Variants in GSK3A observed in about 807,000 individuals in gnomAD.
The protein encoded by GSK3A is glycogen synthase kinase 3 alpha.
Under a neutral mutation model 56.6 loss-of-function variants are expected in GSK3A, and 14 were observed. The observed-to-expected ratio is 0.25, with a 90% CI of 0.16 to 0.39. The LOEUF (loss-of-function observed/expected upper bound fraction) is 0.39, where lower values mean the gene tolerates loss of function less well. Among genes scored for constraint, GSK3A ranks in the 10% least tolerant of loss-of-function variants. The pLI is 1.00. For missense variants in GSK3A, 450 were observed against 656.0 expected (o/e 0.69, Z 3.43); for synonymous variants, 301 against 285.0 (o/e 1.06, Z -0.56).
In GSK3A at chr19:42,230,762, A is replaced by G; in HGVS notation, c.*32T>C. 1 of 1,508,288 alleles carries G rather than the reference A, an allele frequency of 6.6e-7. No homozygotes were observed. The allele number at this position is 1,508,288 out of a possible 1,614,324, so 93.4% of individuals were successfully genotyped here. A position where few individuals can be genotyped will look rare whatever the true frequency, so the allele number is the denominator to read the frequency against. The stretch of plus-strand genomic sequence containing the variant: ...CTTCCCAGCCCCTCTTGGGGCTCCC[A>G]GATGGAAGTGGAAGGGTGCTTGGTG... On this transcript the variant is annotated 3_prime_UTR_variant, in exon 11 of 11. Coordinates refer to ENST00000222330, the MANE Select transcript of GSK3A (RefSeq NM_019884.3).
At chr19:42,230,973 T>A in intron 10 of GSK3A, 106 bp from the exon 11 acceptor site, 5 of 777,266 alleles carry the variant, frequency 6.4e-6, no homozygotes, top group Non-Finnish European at 1.1e-5. Context: ...CATTAAAAGT[T>A]ACAAGCTGTT....
chr19:42,233,081 A>T, intron 8 of GSK3A, 29 bp downstream of exon 8: 1 of 1,426,292 alleles, frequency 7.0e-7, no homozygotes, highest in East Asian at 2.3e-5. Flanking sequence ...TCTCAGCCAT[A>T]CTGCCCTGAG....
In GSK3A at chr19:42,234,429, A is replaced by G. The variant is rs767113418; in HGVS notation, c.828T>C (p.Asn276=). The G allele has an allele frequency of 2.5e-6, 4 of 1,614,204 alleles. No homozygotes were observed. In the Admixed American group the frequency reaches 5.0e-5, roughly 20 times the overall value. Residue 276 remains asparagine (N), a synonymous_variant, in exon 6 of 11, where the codon AAT becomes AAC. Coordinates refer to ENST00000222330, the MANE Select transcript of GSK3A (RefSeq NM_019884.3). The surrounding 1 kb of genome is among the most constrained non-coding windows in gnomAD (Gnocchi z 5.7). ...SAKQLVRGEP[N]VSYICSRYYR... ...AGTAGCGAGAACAGATGTAGGAGAC[A>G]TTGGGCTCCCCTCGGACCAACTGCT... is the stretch of plus-strand genomic sequence containing the variant.
Position 42,234,229 on chromosome 19 carries a change from T to C in GSK3A, c.904+124A>G. 1 of 737,776 alleles carries C rather than the reference T, an allele frequency of 1.4e-6. No individual in the cohort carries two copies. The highest frequency in any genetic ancestry group is 2.4e-6 in the Non-Finnish European group (1 of 415,064). The allele number at this position is 737,776 out of a possible 1,614,324, so 45.7% of individuals were successfully genotyped here. On this transcript the variant is annotated intron_variant, in intron 6 of 10. Coordinates refer to ENST00000222330, the MANE Select transcript of GSK3A (RefSeq NM_019884.3). The surrounding 1 kb of genome is among the most constrained non-coding windows in gnomAD (Gnocchi z 5.7). ...CATTCAACAGCATCAGCCTCCTAAG[T>C]TTGTGAGGACTGGATACAAGAACAG...
chr19:42,242,397 C>T lies in GSK3A; in HGVS notation c.69G>A (p.Ala23=). The T allele has an allele frequency of 1.4e-6, 2 of 1,386,354 alleles. No individual in the cohort carries two copies. Among genetic ancestry groups the T allele is most frequent in the South Asian group, 1.5e-5 (1 of 65,034 alleles). The allele number at this position is 1,386,354 out of a possible 1,614,324, so 85.9% of individuals were successfully genotyped here. A position where few individuals can be genotyped will look rare whatever the true frequency, so the allele number is the denominator to read the frequency against. ...GSGRARTSSF[A]EPGGGGGGGG... ...CTCCTCCGCCTCCGCCGCCGGGCTC[C>T]GCGAACGAGCTAGTCCGCGCCCTGC... Residue 23 remains alanine, a synonymous_variant, in exon 1 of 11, where the codon GCG becomes GCA. Coordinates refer to ENST00000222330, the MANE Select transcript of GSK3A (RefSeq NM_019884.3).
In GSK3A at chr19:42,236,873, G is replaced by A. The variant is rs2036260693; in HGVS notation, c.540C>T (p.Tyr180=). The A allele has an allele frequency of 5.0e-6, 8 of 1,611,942 alleles. No homozygotes were observed. The highest frequency in any genetic ancestry group is 6.8e-6 in the Non-Finnish European group (8 of 1,178,010). The change falls in exon 3 of 11, where the codon TAC becomes TAT. Residue 180 remains tyrosine, a synonymous_variant. Coordinates refer to ENST00000222330, the MANE Select transcript of GSK3A (RefSeq NM_019884.3). ...CNIVRLRYFF[Y]SSGEKKDELY... ...GAGATCTCACCTTCTCGCCACTGGA[G>A]TAGAAAAAGTATCTCAGCCTCACAA...
At position 42,234,791 on chromosome 19, in the gene GSK3A, A is replaced by G; in HGVS notation, c.667-113T>C. ...CAGGCCCACTCTCCCTGCTGCCCCC[A>G]CAGCTTTGGGGAAACCCATTTGAAA... On this transcript the variant is annotated intron_variant, in intron 4 of 10. Coordinates refer to ENST00000222330, the MANE Select transcript of GSK3A (RefSeq NM_019884.3). The surrounding 1 kb of genome is among the most constrained non-coding windows in gnomAD (Gnocchi z 5.7). 8.7e-7 allele frequency: 1 copy of G among 1,149,972 alleles called. No homozygotes were observed. The highest frequency in any genetic ancestry group is 1.2e-6 in the Non-Finnish European group (1 of 840,376). The allele number at this position is 1,149,972 out of a possible 1,614,324, so 71.2% of individuals were successfully genotyped here.
At chr19:42,231,953 C>T in intron 10 of GSK3A, 104 bp downstream of exon 10, 2 of 636,326 alleles carry the variant, frequency 3.1e-6, no homozygotes, top group South Asian at 1.9e-5. Flanking sequence ...ATCAAAATGT[C>T]GATGATTTAA....
chr19:42,236,949 G>A lies in GSK3A; in HGVS notation c.472-8C>T. 6.3e-7 allele frequency: 1 copy of A among 1,594,070 alleles called. No individual in the cohort carries two copies. The highest frequency in any genetic ancestry group is 8.6e-7 in the Non-Finnish European group (1 of 1,161,878). On this transcript the variant is annotated splice_region_variant and splice_polypyrimidine_tract_variant and intron_variant, in intron 2 of 10. Transcript: ENST00000222330. ...GATCTGCAGCTCTCGGTTCTTGAGG[G>A]CAAAGGGAGAGTCTCAGAATACAAC...
chr19:42,240,795 C>CGAAGAA (rs1336629352), intron 1 of GSK3A: 14 of 152,980 alleles, frequency 9.2e-5, no homozygotes, highest in African/African-American at 3.4e-4. Context: ...AGACCCCTCA[C>CGAAGAA]TATATGTGGG....
In GSK3A at chr19:42,232,059, T is replaced by C. The variant is rs1476282315; in HGVS notation, c.1376A>G (p.Gln459Arg). 3.8e-6 allele frequency: 6 copies of C among 1,585,434 alleles called. No homozygotes were observed. Among genetic ancestry groups the C allele is most frequent in the Admixed American group, 1.7e-5 (1 of 59,516 alleles). The change falls in exon 10 of 11, where the codon CAA becomes CGA. Residue 459 changes from glutamine (Q) to arginine (R), a missense_variant and splice_region_variant. Gln to Arg is a conservative substitution (Grantham distance 43). Around this residue, in one of 3 missense-constraint regions of GSK3A, gnomAD observed 113 missense variants for 147.5 expected, o/e 0.77. Transcript: ENST00000222330. ...AGTTTLTPSS[Q>R]ALTETPTSSD... ...CCCAGCAGATGGTCCCCACTTACCT[T>C]GTGAGGACGGGGTGAGGGTGGTAGT...
At chr19:42,231,626 T>G (rs2036224113) in intron 10 of GSK3A, among the ~76,000 whole-genome samples, 1 of 151,184 alleles carries the variant, frequency 6.6e-6, no homozygotes, top group African/African-American at 2.4e-5. Flanking sequence ...ATACAAAAAT[T>G]AGCCAGGCGT....
At chr19:42,242,006 T>C in intron 1 of GSK3A, 177 bp downstream of exon 1, 1 of 452,886 alleles carries the variant, frequency 2.2e-6, no homozygotes, top group Non-Finnish European at 3.6e-6. Context: ...AATTCTGATC[T>C]CCAAGAGATG....
chr19:42,235,517 A>T (rs1235685807), intron 4 of GSK3A, among the ~76,000 whole-genome samples: 2 of 152,166 alleles, frequency 1.3e-5, no homozygotes, highest in Non-Finnish European at 2.9e-5. Context: ...GCCTAGACAG[A>T]CCAGGTCCTG....
At chr19:42,231,716 TGAGCCGAGATC>T (rs2146935150) in intron 10 of GSK3A, among the ~76,000 whole-genome samples, 1 of 148,518 alleles carries the variant, frequency 6.7e-6, no homozygotes, top group South Asian at 2.1e-4. Context: ...GAGATTGCAG[TGAGCCGAGATC>T]GAGCCACTGC....
In GSK3A at chr19:42,233,516, T is replaced by A. The variant is rs139164344; in HGVS notation, c.905-133A>T. The A allele has an allele frequency of 3.9e-4, 250 of 642,006 alleles. 1 individual carries two copies. In the African/African-American group the frequency reaches 4.2e-3, roughly 11 times the overall value. The allele number at this position is 642,006 out of a possible 1,614,324, so 39.8% of individuals were successfully genotyped here. ...CAAAGACAAAGCACCTGGCCCAAGG[T>A]CACATGCAGCTTAGAAACATGGGCC... On this transcript the variant is annotated intron_variant, in intron 6 of 10. Coordinates refer to ENST00000222330, the MANE Select transcript of GSK3A (RefSeq NM_019884.3).
rs139944984 is a variant in GSK3A, at chr19:42,231,380, C to G, written c.1379-513G>C. Among the ~76,000 whole-genome samples, 7 of 152,088 alleles carry G rather than the reference C, an allele frequency of 4.6e-5. 1 individual carries two copies. The East Asian group carries it at 1.4e-3, about 30-fold the overall frequency. ...GTCTAAAAAATATAAAGGGCGCCCA[C>G]TGTCTACTGTCAGTAGGATGGGCGG... is the stretch of plus-strand genomic sequence containing the variant. On this transcript the variant is annotated intron_variant, in intron 10 of 10. Coordinates refer to ENST00000222330, the MANE Select transcript of GSK3A (RefSeq NM_019884.3).
chr19:42,240,898 G>A (rs1335371714), intron 1 of GSK3A: 3 of 152,168 alleles, frequency 2.0e-5, no homozygotes, highest in Non-Finnish European at 4.4e-5. Flanking sequence ...TTGAAGGAAA[G>A]CTATAATTCC....
intron 4 of GSK3A, among the ~76,000 whole-genome samples, chr19:42,236,072 T>C (rs1332398687): frequency 1.3e-5 from 2 of 152,096 alleles, no homozygotes; most frequent in African/African-American, 4.8e-5. Context: ...CAATCATTCA[T>C]TCATTCATTC....
Sources: allele counts gnomAD v4.1 joint callset (sites outside exome capture counted in the v4.1 genomes callset), GRCh38; gene constraint gnomAD v4.1.1; regional missense constraint gnomAD v4.1.1; non-coding constraint Gnocchi (gnomAD v3.1); transcripts MANE v1.5; gene names NCBI Gene and HGNC (gene_info 2026-07-23, HGNC 2026-07-21).